MCTP1: variants seen among roughly 807,000 people sequenced by gnomAD.
The protein encoded by MCTP1 is multiple C2 and transmembrane domain-containing protein 1.
MCTP1 carries 69 observed loss-of-function variants against 120.6 expected under a neutral mutation model. The observed-to-expected ratio is 0.57, with a 90% CI of 0.47 to 0.70. MCTP1 has a LOEUF of 0.70. Among genes scored for constraint, MCTP1 ranks in the 30% least tolerant of loss-of-function variants. The pLI, the probability that MCTP1 is intolerant of heterozygous loss-of-function variation, is 0.00. For synonymous variants in MCTP1, 529 were observed against 493.1 expected (o/e 1.07, Z -0.96); for missense variants, 1,203 against 1,248.8 (o/e 0.96, Z 0.55).
chr5:95,039,975 T>A (rs1158756744), intron 1 of MCTP1, among the ~76,000 whole-genome samples: 1 of 151,760 alleles, frequency 6.6e-6, no homozygotes, highest in African/African-American at 2.4e-5. Flanking sequence ...GCTAATTTTT[T>A]AAAACTTCCT....
Position 94,893,913 on chromosome 5 carries a change from A to G in MCTP1, c.1839+736T>C, listed in dbSNP as rs959327733. Among the ~76,000 whole-genome samples the G allele has an allele frequency of 3.3e-5, 5 of 152,202 alleles. 1 individual carries two copies. The highest frequency in any genetic ancestry group is 1.2e-4 in the African/African-American group (5 of 41,452). On this transcript the variant is annotated intron_variant, in intron 11 of 22. Transcript: ENST00000515393. ...CAGCTTCATGGGTACTAAGGCATTT[A>G]CTTTTTCAAACCTTCATTGAGAGAG...
intron 20 of MCTP1, among the ~76,000 whole-genome samples, chr5:94,712,178 T>A (rs180703911): frequency 2.2e-4 from 34 of 152,270 alleles, no homozygotes; most frequent in Admixed American, 1.3e-3. Flanking sequence ...TTTCCCCATT[T>A]ATAAAATGGG....
intron 2 of MCTP1, among the ~76,000 whole-genome samples, chr5:95,013,901 C>G (rs993170573): frequency 6.6e-6 from 1 of 151,978 alleles, no homozygotes; most frequent in Non-Finnish European, 1.5e-5. Flanking sequence ...TGTAGTTCCT[C>G]TGATAGATCT....
intron 1 of MCTP1, among the ~76,000 whole-genome samples, chr5:95,280,606 A>G (rs1254803914): frequency 6.6e-6 from 1 of 152,242 alleles, no homozygotes; most frequent in Non-Finnish European, 1.5e-5. Context: ...TGGTATGACA[A>G]TATGGCCCAA....
chr5:94,800,081 C>A (rs1292327312), intron 17 of MCTP1, among the ~76,000 whole-genome samples: 4 of 152,122 alleles, frequency 2.6e-5, no homozygotes, highest in Non-Finnish European at 5.9e-5. Flanking sequence ...CGTATATATC[C>A]CCTCTTTCGT....
intron 2 of MCTP1, among the ~76,000 whole-genome samples, chr5:94,966,153 C>G (rs1165087284): frequency 2.0e-5 from 3 of 152,132 alleles, no homozygotes; most frequent in African/African-American, 7.2e-5. Context: ...TTTTATGTTA[C>G]TTGCCCAAAA....
intron 1 of MCTP1, among the ~76,000 whole-genome samples, chr5:95,282,941 C>A (rs1760442509): frequency 6.6e-6 from 1 of 152,150 alleles, no homozygotes; most frequent in South Asian, 2.1e-4. Flanking sequence ...AGAGTCAAAA[C>A]AATGAGAAAG....
intron 19 of MCTP1, among the ~76,000 whole-genome samples, chr5:94,719,872 G>C (rs1191596727): frequency 6.6e-6 from 1 of 152,150 alleles, no homozygotes; most frequent in Non-Finnish European, 1.5e-5. Flanking sequence ...GCTCATGCCT[G>C]TAATCCCAGC....
chr5:95,173,652 T>C (rs926228868), intron 1 of MCTP1, among the ~76,000 whole-genome samples: 2 of 152,180 alleles, frequency 1.3e-5, no homozygotes, highest in African/African-American at 2.4e-5. Flanking sequence ...CCAGAGTATA[T>C]ATTCACACAT....
chr5:95,002,875 T>C (rs1021050443), intron 2 of MCTP1, among the ~76,000 whole-genome samples: 16 of 152,148 alleles, frequency 1.1e-4, no homozygotes, highest in Non-Finnish European at 1.9e-4. Flanking sequence ...TGGAATAATA[T>C]GGTTTGGCTT....
chr5:94,963,470 TTTTC>T (rs1213335533), intron 2 of MCTP1, among the ~76,000 whole-genome samples: 1 of 120,256 alleles, frequency 8.3e-6, no homozygotes, highest in Non-Finnish European at 1.8e-5. Flanking sequence ...CCAACACTTG[TTTTC>T]TTTTTTTTTT....
At chr5:94,777,321 C>G (rs542213180) in intron 19 of MCTP1, among the ~76,000 whole-genome samples, 12 of 152,124 alleles carry the variant, frequency 7.9e-5, no homozygotes, top group African/African-American at 2.7e-4. Flanking sequence ...TTGTTTCCCC[C>G]GGGCATGTTC....
At chr5:94,816,608 T>C (rs1051156594) in intron 17 of MCTP1, among the ~76,000 whole-genome samples, 1 of 152,082 alleles carries the variant, frequency 6.6e-6, no homozygotes, top group Non-Finnish European at 1.5e-5. Context: ...TTAACTTTTT[T>C]CCCCTTTATC....
chr5:95,021,827 C>A (rs759554569), intron 1 of MCTP1, among the ~76,000 whole-genome samples: 9 of 151,998 alleles, frequency 5.9e-5, no homozygotes, highest in Non-Finnish European at 8.8e-5. Flanking sequence ...AAACAGTGAA[C>A]ATTTCTGAAT....
rs369166030 is a variant in MCTP1, at chr5:95,123,810, C to T, written c.721-106326G>A. Among the ~76,000 whole-genome samples, 5 of 152,150 alleles carry T rather than the reference C, an allele frequency of 3.3e-5. No individual in the cohort carries two copies. The East Asian group carries it at 7.7e-4, about 24-fold the overall frequency. On this transcript the variant is annotated intron_variant, in intron 1 of 22. Transcript: ENST00000515393. ...GACTACAGGCGCCCGCCACTGCGCC[C>T]GGCTAATTTTCTGTATTTTTAATAG...
chr5:95,068,990 C>T (rs1293399155), intron 1 of MCTP1, among the ~76,000 whole-genome samples: 1 of 145,590 alleles, frequency 6.9e-6, no homozygotes, highest in African/African-American at 2.5e-5. Flanking sequence ...CTGAGAGAAG[C>T]TGTGAAACAA....
In MCTP1 at chr5:94,784,579, A is replaced by G. The variant is rs548801607; in HGVS notation, c.2557-5416T>C. The stretch of plus-strand genomic sequence containing the variant: ...AATTCACTCCACGTTTGTAAGAATA[A>G]TAAGATTCAATCAAGTCTGGGATAT... On this transcript the variant is annotated intron_variant, in intron 18 of 22. Coordinates refer to ENST00000515393, the MANE Select transcript of MCTP1 (RefSeq NM_024717.7). 8.3e-4 allele frequency among the ~76,000 whole-genome samples: 126 copies of G among 152,184 alleles called. 1 individual carries two copies. The highest frequency in any genetic ancestry group is 3.1e-3 in the Admixed American group (47 of 15,286).
intron 1 of MCTP1, among the ~76,000 whole-genome samples, chr5:95,025,112 C>T (rs1183078858): frequency 1.3e-5 from 2 of 152,056 alleles, no homozygotes; most frequent in African/African-American, 4.8e-5. Flanking sequence ...ATGACCAAAG[C>T]CATCTTCAGT....
Position 94,820,399 on chromosome 5 carries a change from T to C in MCTP1, c.2437-21267A>G, listed in dbSNP as rs61649568. Among the ~76,000 whole-genome samples, 321 of 152,334 alleles carry C rather than the reference T, an allele frequency of 2.1e-3. 1 individual carries two copies. Among genetic ancestry groups the C allele is most frequent in the African/African-American group, 7.5e-3 (310 of 41,582 alleles). ...GTTAGCTGTTCAATGGTTGCTCTAA[T>C]GGGACCTTCTTTATGCCTATGGTAG... On this transcript the variant is annotated intron_variant, in intron 17 of 22. Coordinates refer to ENST00000515393, the MANE Select transcript of MCTP1 (RefSeq NM_024717.7).
Sources: allele counts gnomAD v4.1 joint callset (sites outside exome capture counted in the v4.1 genomes callset), GRCh38; gene constraint gnomAD v4.1.1; transcripts MANE v1.5; gene names NCBI Gene and HGNC (gene_info 2026-07-23, HGNC 2026-07-21).